ADAM12: variants seen among roughly 807,000 people sequenced by gnomAD.
The protein encoded by ADAM12 is disintegrin and metalloproteinase domain-containing protein 12.
Under a neutral mutation model 106.4 loss-of-function variants are expected in ADAM12, and 70 were observed. The observed-to-expected ratio is 0.66, with a 90% CI of 0.54 to 0.80. ADAM12 has a LOEUF of 0.80. Among genes scored for constraint, ADAM12 ranks in the 30% least tolerant of loss-of-function variants. The probability of loss-of-function intolerance (pLI) is 0.00; values close to 1 mark genes in which losing one functional copy is unlikely to be tolerated. For synonymous variants in ADAM12, 420 were observed against 433.5 expected, an observed-to-expected ratio of 0.97 and a Z score of 0.39; for missense variants, 1,010 against 1,171.9, an observed-to-expected ratio of 0.86 and a Z score of 2.02.
chr10:126,312,947 A>G (rs10901586), intron 2 of ADAM12, among the ~76,000 whole-genome samples: 39,765 of 152,168 alleles, frequency 0.26, 5,400 homozygotes, highest in African/African-American at 0.33. Flanking sequence ...ACTTTTCAGT[A>G]ATACATTATT....
At chr10:126,285,027 C>T (rs1029092522) in intron 2 of ADAM12, among the ~76,000 whole-genome samples, 3 of 152,218 alleles carry the variant, frequency 2.0e-5, no homozygotes, top group East Asian at 1.9e-4. Flanking sequence ...CAAGAGTGGC[C>T]GAAGGCCAGG....
chr10:126,255,758 A>AG (rs773524308), intron 3 of ADAM12, among the ~76,000 whole-genome samples: 3 of 152,156 alleles, frequency 2.0e-5, no homozygotes, highest in Non-Finnish European at 4.4e-5. Flanking sequence ...GATACTCTGA[A>AG]GGGGGGATGG....
chr10:126,349,001 C>T (rs145699000), intron 1 of ADAM12, among the ~76,000 whole-genome samples: 189 of 152,266 alleles, frequency 1.2e-3, no homozygotes, highest in African/African-American at 4.5e-3. Context: ...AAAGCCAATA[C>T]GTTTCAATAG....
chr10:126,266,520 G>C (rs1364476525), intron 3 of ADAM12, among the ~76,000 whole-genome samples: 2 of 152,210 alleles, frequency 1.3e-5, no homozygotes, highest in African/African-American at 2.4e-5. Context: ...AGCAATGGCA[G>C]CAGAACAGCA....
At chr10:126,062,293 C>T (rs1203070807) in intron 14 of ADAM12, among the ~76,000 whole-genome samples, 1 of 152,142 alleles carries the variant, frequency 6.6e-6, no homozygotes, top group African/African-American at 2.4e-5. Context: ...CACGACACCA[C>T]CCACCACCAC....
chr10:126,251,985 A>G (rs1282861054), intron 3 of ADAM12, among the ~76,000 whole-genome samples: 1 of 2,290 alleles, frequency 4.4e-4, no homozygotes, highest in Non-Finnish European at 1.0e-3. Context: ...GATGAACAGG[A>G]TTGATGGATG....
chr10:126,243,511 G>GTGTGTT (rs1302079052), intron 3 of ADAM12, among the ~76,000 whole-genome samples: 22 of 151,858 alleles, frequency 1.4e-4, no homozygotes, highest in African/African-American at 5.3e-4. Flanking sequence ...GTGTGTGTGT[G>GTGTGTT]TGTGTGTAGG....
intron 3 of ADAM12, among the ~76,000 whole-genome samples, chr10:126,260,900 G>A (rs915955898): frequency 1.3e-5 from 2 of 152,052 alleles, no homozygotes; most frequent in Non-Finnish European, 2.9e-5. Context: ...TTGGCCCTCC[G>A]CATCCTGGGG....
intron 2 of ADAM12, among the ~76,000 whole-genome samples, chr10:126,323,274 C>T (rs1484511510): frequency 1.3e-5 from 2 of 152,302 alleles, no homozygotes; most frequent in South Asian, 2.1e-4. Context: ...GCAACTCCTG[C>T]AATTACTCGA....
intron 5 of ADAM12, among the ~76,000 whole-genome samples, chr10:126,132,877 C>T (rs1956333243): frequency 6.6e-6 from 1 of 151,998 alleles, no homozygotes; most frequent in Non-Finnish European, 1.5e-5. Flanking sequence ...GGTCTGATCC[C>T]ATTTCACCCC....
At chr10:126,358,552 A>G (rs182814268) in intron 1 of ADAM12, among the ~76,000 whole-genome samples, 5 of 152,352 alleles carry the variant, frequency 3.3e-5, no homozygotes, top group Admixed American at 1.3e-4. Flanking sequence ...AATGGTAAAA[A>G]ATTGAAAGCC....
intron 8 of ADAM12, among the ~76,000 whole-genome samples, chr10:126,103,226 T>C (rs1428360502): frequency 6.6e-6 from 1 of 152,224 alleles, no homozygotes; most frequent in African/African-American, 2.4e-5. Context: ...TACTTAGTAG[T>C]AATATAACAG....
intron 3 of ADAM12, among the ~76,000 whole-genome samples, chr10:126,276,812 A>G (rs1383550222): frequency 6.6e-6 from 1 of 152,218 alleles, no homozygotes; most frequent in African/African-American, 2.4e-5. Context: ...AAAGACTCAG[A>G]ATTGAAAGGG....
chr10:126,216,463 G>A (rs552908157), intron 3 of ADAM12, among the ~76,000 whole-genome samples: 3 of 152,194 alleles, frequency 2.0e-5, no homozygotes, highest in South Asian at 2.1e-4. Context: ...TCTCAATTTC[G>A]CCCCTGCCAA....
Position 126,043,190 on chromosome 10 carries a change from C to G in ADAM12, c.1996-42G>C. Reference sequence around the variant, plus strand: ...GAGGGACGTGGGGTTAGGGCATATGCTCTGTGCATCACCACAGCAGAAGCA... The same window carrying G: ...GAGGGACGTGGGGTTAGGGCATATGGTCTGTGCATCACCACAGCAGAAGCA... On this transcript the variant is annotated intron_variant, in intron 17 of 22. Transcript: ENST00000448723. This position sits in a 1 kb window ranked among gnomAD's most constrained non-coding sequence, Gnocchi z 4.1. 1 of 1,575,694 alleles carries G rather than the reference C, an allele frequency of 6.3e-7. No individual in the cohort carries two copies.
chr10:126,157,686 A>G (rs1239870882), intron 3 of ADAM12, among the ~76,000 whole-genome samples: 4 of 151,866 alleles, frequency 2.6e-5, no homozygotes. Context: ...GCTGCCCCTC[A>G]CTCTCCTCAG....
chr10:126,349,946 T>C (rs1309204979), intron 1 of ADAM12, among the ~76,000 whole-genome samples: 1 of 152,226 alleles, frequency 6.6e-6, no homozygotes, highest in Non-Finnish European at 1.5e-5. Context: ...GGAAAATGCA[T>C]ATGATTGAAA....
At chr10:126,298,718 C>G (rs1342409797) in intron 2 of ADAM12, among the ~76,000 whole-genome samples, 1 of 151,874 alleles carries the variant, frequency 6.6e-6, no homozygotes, top group Non-Finnish European at 1.5e-5. Context: ...AAAAGCCACA[C>G]CTAGAAGAAT....
At position 126,049,182 on chromosome 10, in the gene ADAM12, G is replaced by C; in HGVS notation, c.1917+71C>G. On this transcript the variant is annotated intron_variant, in intron 16 of 22. Coordinates refer to ENST00000448723, the MANE Select transcript of ADAM12 (RefSeq NM_001288973.2). This position sits in a 1 kb window ranked among gnomAD's most constrained non-coding sequence, Gnocchi z 4.4. ...GAAAACCAACAAACCTTGTAACCCAGTTCTTGCTGTTTTTCAATGGGCCCT... is the reference window on the plus strand; with the variant it reads ...GAAAACCAACAAACCTTGTAACCCACTTCTTGCTGTTTTTCAATGGGCCCT... 6.3e-7 allele frequency: 1 copy of C among 1,584,272 alleles called. No individual in the cohort carries two copies. The highest frequency in any genetic ancestry group is 8.6e-7 in the Non-Finnish European group (1 of 1,160,216).
Sources: allele counts gnomAD v4.1 joint callset (sites outside exome capture counted in the v4.1 genomes callset), GRCh38; gene constraint gnomAD v4.1.1; non-coding constraint Gnocchi (gnomAD v3.1); transcripts MANE v1.5; gene names NCBI Gene and HGNC (gene_info 2026-07-23, HGNC 2026-07-21).